The following LIPJ variants were observed in gnomAD, a reference collection of about 807,000 sequenced individuals.
LIPJ encodes the protein lipase family member J.
A neutral mutation model predicts 39.8 loss-of-function variants in LIPJ; 33 were observed. The observed-to-expected ratio is 0.83, with a 90% CI of 0.63 to 1.11. The LOEUF (loss-of-function observed/expected upper bound fraction) is 1.11. LIPJ is among the 50% of genes least tolerant of loss of function. The pLI is 0.00. For synonymous variants in LIPJ, 128 were observed against 139.2 expected (o/e 0.92, Z 0.57); for missense variants, 422 against 427.9 (o/e 0.99, Z 0.12).
chr10:88,622,843 G>C, the LIPJ span, among the ~76,000 whole-genome samples: 1 of 152,164 alleles, frequency 6.6e-6, no homozygotes, highest in Non-Finnish European at 1.5e-5. Flanking sequence ...CACCCTGATG[G>C]CTGCATTGAC....
intron 9 of LIPJ, among the ~76,000 whole-genome samples, chr10:88,604,468 T>C (rs1851596225): frequency 1.3e-5 from 2 of 152,158 alleles, no homozygotes; most frequent in South Asian, 4.1e-4. Flanking sequence ...ACTGCAATCA[T>C]CCAAATGGGA....
upstream of LIPJ, chr10:88,584,006 A>G (rs1447025219): frequency 6.6e-6 from 1 of 152,302 alleles, no homozygotes; most frequent in African/African-American, 2.4e-5. Context: ...AACAAAGGCA[A>G]TGGTAATACT....
the LIPJ span, among the ~76,000 whole-genome samples, chr10:88,616,644 C>G: frequency 6.6e-6 from 1 of 152,224 alleles, no homozygotes; most frequent in African/African-American, 2.4e-5. Context: ...CCAATAAAGA[C>G]CAGGCCTGGA....
upstream of LIPJ, among the ~76,000 whole-genome samples, chr10:88,585,427 C>A (rs998114811): frequency 6.6e-6 from 1 of 152,160 alleles, no homozygotes; most frequent in African/African-American, 2.4e-5. Context: ...TCTCCATTGT[C>A]TCTTGAATCA....
chr10:88,602,607 C>T lies in LIPJ; in HGVS notation c.755C>T (p.Pro252Leu), dbSNP rs760702562. The change falls in exon 9 of 11, where the codon CCA becomes CTA. Residue 252 changes from proline to leucine, a missense_variant. By Grantham distance (98) the Pro-to-Leu change is moderately conservative. Coordinates refer to ENST00000371939, the Ensembl canonical transcript of LIPJ. ...TTGGATGTGTATTTTTCACACAACC[C>T]AGCAGGAACATCTGTTCAAAATATG... 2.8e-5 allele frequency: 45 copies of T among 1,590,748 alleles called. No individual in the cohort carries two copies. Among genetic ancestry groups the T allele is most frequent in the Non-Finnish European group, 3.7e-5 (43 of 1,168,738 alleles).
At chr10:88,597,300 T>C (rs1851289933) in intron 8 of LIPJ, among the ~76,000 whole-genome samples, 1 of 151,866 alleles carries the variant, frequency 6.6e-6, no homozygotes, top group Admixed American at 6.6e-5. Flanking sequence ...TGGTTCCTAA[T>C]ACTCCTTCCT....
chr10:88,583,072 C>A, upstream of LIPJ: 4 of 1,611,276 alleles, frequency 2.5e-6, no homozygotes, highest in Non-Finnish European at 3.4e-6. Flanking sequence ...AGACAACCCA[C>A]CTGAGTCCTC....
At chr10:88,613,800 A>ATATATATATATG in the LIPJ span, among the ~76,000 whole-genome samples, 18 of 74,162 alleles carry the variant, frequency 2.4e-4, no homozygotes, top group South Asian at 9.5e-4. Flanking sequence ...ATATATATAT[A>ATATATATATATG]TGTGTGTGTG....
chr10:88,601,690 A>G (rs753800637), intron 8 of LIPJ, among the ~76,000 whole-genome samples: 6 of 152,202 alleles, frequency 3.9e-5, no homozygotes, highest in East Asian at 3.8e-4. Flanking sequence ...GTAAACCTGA[A>G]TAATTTTTTA....
At chr10:88,606,060 T>C (rs1851655066) in intron 10 of LIPJ, among the ~76,000 whole-genome samples, 1 of 152,186 alleles carries the variant, frequency 6.6e-6, no homozygotes, top group South Asian at 2.1e-4. Context: ...AAACCAGTTA[T>C]TCTATTTGGA....
intron 9 of LIPJ, among the ~76,000 whole-genome samples, chr10:88,605,132 C>G (rs1851617791): frequency 6.6e-6 from 1 of 152,120 alleles, no homozygotes; most frequent in South Asian, 2.1e-4. Context: ...CAGAATTGAT[C>G]AAAGTGTTAG....
chr10:88,586,368 TGCAAGATAGGTGAGACA>T (rs1850920376), upstream of LIPJ, among the ~76,000 whole-genome samples: 1 of 152,296 alleles, frequency 6.6e-6, no homozygotes, highest in Non-Finnish European at 1.5e-5. Context: ...CACCTAGGAT[TGCAAGATAGGTGAGACA>T]GCCCCCATGT....
chr10:88,591,352 A>G, intron 3 of LIPJ, 26 bp from the exon 4 acceptor site: 1 of 1,562,924 alleles, frequency 6.4e-7, no homozygotes, highest in Non-Finnish European at 8.7e-7. Context: ...ATTTTATGCT[A>G]AAAGATTTGC....
chr10:88,591,402 T>C, exon 4 of LIPJ: 1 of 1,604,318 alleles, frequency 6.2e-7, no homozygotes, highest in Non-Finnish European at 8.5e-7. Context: ...CTACTGGGGC[T>C]ACCCTGATGA....
chr10:88,614,593 T>C, the LIPJ span, among the ~76,000 whole-genome samples: 3 of 152,276 alleles, frequency 2.0e-5, no homozygotes, highest in African/African-American at 7.2e-5. Context: ...ATGTTCATGA[T>C]TGAAGACTTG....
chr10:88,616,184 G>A, the LIPJ span, among the ~76,000 whole-genome samples: 1 of 152,200 alleles, frequency 6.6e-6, no homozygotes, highest in Admixed American at 6.5e-5. Context: ...CAAATCTCCA[G>A]CCACAAATAA....
At chr10:88,606,593 CA>C (rs1851670724) in intron 10 of LIPJ, 80 bp from the exon 11 acceptor site, 1 of 780,484 alleles carries the variant, frequency 1.3e-6, no homozygotes, top group African/African-American at 1.8e-5. Context: ...TATTTAAACT[CA>C]TCATTTTAAC....
downstream of LIPJ, among the ~76,000 whole-genome samples, chr10:88,609,439 A>G (rs1263271163): frequency 1.3e-5 from 2 of 152,234 alleles, no homozygotes; most frequent in Non-Finnish European, 2.9e-5. Context: ...AAAGAAGGCA[A>G]ATATAATGGG....
intron 2 of LIPJ, among the ~76,000 whole-genome samples, chr10:88,589,140 T>C (rs1590073493): frequency 6.6e-6 from 1 of 151,900 alleles, no homozygotes; most frequent in East Asian, 1.9e-4. Flanking sequence ...ACATTCCTTC[T>C]AGATATAATG....
Sources: allele counts gnomAD v4.1 joint callset (sites outside exome capture counted in the v4.1 genomes callset), GRCh38; gene constraint gnomAD v4.1.1; transcripts MANE v1.5; gene names NCBI Gene and HGNC (gene_info 2026-07-23, HGNC 2026-07-21).